Variants in MAGI2 observed in about 807,000 individuals in gnomAD.
MAGI2 encodes membrane-associated guanylate kinase, WW and PDZ domain-containing protein 2.
In MAGI2, 35 loss-of-function variants were observed where a neutral mutation model predicts 133.3. The ratio of observed to expected loss-of-function variants is 0.26; its 90% CI spans 0.20 to 0.35. The LOEUF (loss-of-function observed/expected upper bound fraction) is 0.35. Ranked by LOEUF, MAGI2 falls within the 10% of genes least tolerant of loss-of-function variation. The pLI is 1.00. For missense variants in MAGI2, 1,636 were observed against 1,863.4 expected, an observed-to-expected ratio of 0.88 and a Z score of 2.25; for synonymous variants, 729 against 710.6, an observed-to-expected ratio of 1.03 and a Z score of -0.41.
intron 1 of MAGI2, among the ~76,000 whole-genome samples, chr7:79,326,240 C>T (rs1166329701): frequency 1.3e-5 from 2 of 151,944 alleles, no homozygotes; most frequent in African/African-American, 4.8e-5. Context: ...TAAAGCACGG[C>T]TTCTAGATTT....
intron 2 of MAGI2, among the ~76,000 whole-genome samples, chr7:78,951,675 A>C (rs1801884166): frequency 6.6e-6 from 1 of 152,192 alleles, no homozygotes; most frequent in Non-Finnish European, 1.5e-5. Context: ...GTTTAAACTC[A>C]AATGTATATC....
chr7:78,108,711 T>C (rs1818972321), intron 20 of MAGI2, among the ~76,000 whole-genome samples: 1 of 117,278 alleles, frequency 8.5e-6, no homozygotes, highest in Non-Finnish European at 2.0e-5. Flanking sequence ...CATATGTGAG[T>C]GTATATATGT....
chr7:78,753,717 C>CAAAA (rs560397759), intron 2 of MAGI2, among the ~76,000 whole-genome samples: 19 of 126,608 alleles, frequency 1.5e-4, no homozygotes, highest in Non-Finnish European at 2.7e-4. Context: ...ACTTAACTAG[C>CAAAA]AAAAAAAAAA....
chr7:78,482,878 T>TACACACAC (rs3086358), intron 6 of MAGI2, among the ~76,000 whole-genome samples: 27 of 89,952 alleles, frequency 3.0e-4, no homozygotes, highest in East Asian at 1.3e-3. Flanking sequence ...CACATGGAAC[T>TACACACAC]ACACACACAC....
intron 6 of MAGI2, among the ~76,000 whole-genome samples, chr7:78,386,312 C>A (rs1311363402): frequency 1.3e-5 from 2 of 152,124 alleles, no homozygotes; most frequent in African/African-American, 4.8e-5. Context: ...GCATGCATCG[C>A]ATTACTACTT....
At chr7:78,166,631 G>C (rs898979382) in intron 15 of MAGI2, among the ~76,000 whole-genome samples, 1 of 152,138 alleles carries the variant, frequency 6.6e-6, no homozygotes, top group African/African-American at 2.4e-5. Context: ...TAGTTTCTAG[G>C]GGGACTTAGA....
intron 1 of MAGI2, among the ~76,000 whole-genome samples, chr7:79,358,500 T>C (rs1476698013): frequency 6.6e-6 from 1 of 152,102 alleles, no homozygotes; most frequent in African/African-American, 2.4e-5. Flanking sequence ...TAAAAGGTTC[T>C]GAAAATGGAA....
At chr7:78,931,840 A>T (rs1195222876) in intron 2 of MAGI2, among the ~76,000 whole-genome samples, 1 of 152,056 alleles carries the variant, frequency 6.6e-6, no homozygotes, top group Non-Finnish European at 1.5e-5. Context: ...TGAAAAGTTA[A>T]ATGTTTTCTA....
rs1412782495 is a variant in MAGI2 at position 79,324,613 on chromosome 7, ATATAT to A, written c.301+128402_301+128406del. 3.2e-5 allele frequency among the ~76,000 whole-genome samples: 3 copies of A among 93,534 alleles called. 1 individual carries two copies. The highest frequency in any genetic ancestry group is 1.3e-4 in the African/African-American group (3 of 23,178). 61.4% of individuals were successfully genotyped at this position (93,534 alleles called of 152,430 possible). A position where few individuals can be genotyped will look rare whatever the true frequency, so the allele number is the denominator to read the frequency against. On this transcript the variant is annotated intron_variant, in intron 1 of 21. Transcript: ENST00000354212. ...ATATAACAATATATATATAAAAAAT[ATATAT>A]AATATATATATTATATATATATAAA...
intron 3 of MAGI2, among the ~76,000 whole-genome samples, chr7:78,552,916 A>G (rs1279190682): frequency 4.0e-5 from 6 of 151,448 alleles, no homozygotes; most frequent in African/African-American, 7.4e-5. Flanking sequence ...TGGTAGAACG[A>G]GAACAAATTG....
intron 10 of MAGI2, 132 bp from the exon 11 acceptor site, chr7:78,201,325 G>T: frequency 2.1e-6 from 1 of 485,510 alleles, no homozygotes; most frequent in Non-Finnish European, 3.7e-6. Context: ...CTTCTGCCTG[G>T]CTGTATCGTT....
intron 21 of MAGI2, among the ~76,000 whole-genome samples, chr7:78,077,556 C>T (rs1219102479): frequency 3.6e-5 from 4 of 112,316 alleles, no homozygotes; most frequent in African/African-American, 7.2e-5. Context: ...TCTCTCTGTA[C>T]GCTTTGAGGG....
chr7:79,115,978 C>A (rs1418702926), intron 1 of MAGI2, among the ~76,000 whole-genome samples: 1 of 147,922 alleles, frequency 6.8e-6, no homozygotes, highest in Admixed American at 6.9e-5. Flanking sequence ...TCTCCTATCC[C>A]AAATTATTCT....
intron 2 of MAGI2, among the ~76,000 whole-genome samples, chr7:78,864,767 T>C (rs1193530287): frequency 5.3e-5 from 8 of 152,216 alleles, no homozygotes; most frequent in Non-Finnish European, 4.4e-5. Flanking sequence ...TATTGCCTTT[T>C]CTCCTTTGAA....
At chr7:78,130,891 C>T (rs1821493998) in intron 18 of MAGI2, among the ~76,000 whole-genome samples, 1 of 152,156 alleles carries the variant, frequency 6.6e-6, no homozygotes, top group Non-Finnish European at 1.5e-5. Context: ...AACAAGGTAT[C>T]CCAGTTGTGA....
At chr7:78,738,887 GAAAA>G (rs1281534530) in intron 2 of MAGI2, among the ~76,000 whole-genome samples, 2 of 151,946 alleles carry the variant, frequency 1.3e-5, no homozygotes, top group Non-Finnish European at 2.9e-5. Context: ...AACTACATAA[GAAAA>G]AGAAAAATAT....
chr7:79,362,499 T>TTCAGAATTCA (rs753816636), intron 1 of MAGI2, among the ~76,000 whole-genome samples: 192 of 152,226 alleles, frequency 1.3e-3, no homozygotes, highest in Non-Finnish European at 2.0e-3. Context: ...TAGGGAATAC[T>TTCAGAATTCA]TCAGAATTCA....
intron 1 of MAGI2, among the ~76,000 whole-genome samples, chr7:79,285,760 G>T (rs1835954807): frequency 6.6e-6 from 1 of 152,030 alleles, no homozygotes; most frequent in African/African-American, 2.4e-5. Flanking sequence ...AATGAACAAC[G>T]ATACTCTGAA....
At chr7:79,012,016 G>A (rs1156488118) in intron 1 of MAGI2, 1 of 149,798 alleles carries the variant, frequency 6.7e-6, no homozygotes, top group African/African-American at 2.5e-5. Context: ...ATATCATTCA[G>A]TACATGTAGT....
Sources: gnomAD v4.1 joint callset for allele counts (sites outside exome capture counted in the v4.1 genomes callset) on GRCh38, gnomAD v4.1.1 for gene constraint, MANE v1.5 for transcripts, NCBI Gene and HGNC (gene_info 2026-07-23, HGNC 2026-07-21) for gene names.